The following AGBL1 variants were observed in gnomAD, a reference collection of about 807,000 sequenced individuals.
AGBL1 encodes AGBL carboxypeptidase 1, also known as cytosolic carboxypeptidase 4.
Under a neutral mutation model 118.9 loss-of-function variants are expected in AGBL1, and 130 were observed. The observed-to-expected ratio is 1.09, with a 90% confidence interval of 0.95 to 1.26. The LOEUF (loss-of-function observed/expected upper bound fraction) is 1.26. Among genes scored for constraint, AGBL1 ranks in the 50% most tolerant of loss-of-function variants. The pLI, the probability that AGBL1 is intolerant of heterozygous loss-of-function variation, is 0.00. For missense variants in AGBL1, 1,584 were observed against 1,298.1 expected (o/e 1.22, Z -3.38); for synonymous variants, 555 against 478.9 (o/e 1.16, Z -2.08).
At chr15:86,792,804 G>C (rs1259069751) in intron 22 of AGBL1, among the ~76,000 whole-genome samples, 1 of 151,910 alleles carries the variant, frequency 6.6e-6, no homozygotes, top group East Asian at 1.9e-4. Flanking sequence ...AGAGAAAAGA[G>C]AAAACAATTA....
chr15:86,340,148 T>C (rs1056210926), intron 17 of AGBL1, among the ~76,000 whole-genome samples: 5 of 152,170 alleles, frequency 3.3e-5, no homozygotes, highest in Non-Finnish European at 7.4e-5. Flanking sequence ...TTCAGGACAA[T>C]TTTCCTGTTT....
intron 23 of AGBL1, among the ~76,000 whole-genome samples, chr15:86,968,877 G>A (rs1245343588): frequency 2.0e-5 from 3 of 151,834 alleles, no homozygotes; most frequent in East Asian, 1.9e-4. Flanking sequence ...TTCTCACATC[G>A]TGGAAGAGGC....
At chr15:86,123,678 C>A (rs1898228804) in intron 1 of AGBL1, among the ~76,000 whole-genome samples, 1 of 152,198 alleles carries the variant, frequency 6.6e-6, no homozygotes, top group Non-Finnish European at 1.5e-5. Flanking sequence ...AGTTGTCTCA[C>A]CTTTCTGGAC....
At chr15:86,469,887 T>C (rs1364487999) in intron 18 of AGBL1, among the ~76,000 whole-genome samples, 1 of 152,182 alleles carries the variant, frequency 6.6e-6, no homozygotes, top group East Asian at 1.9e-4. Context: ...TTTTGAGAAA[T>C]GTCTATTTAG....
At chr15:86,338,812 A>T (rs754497760) in intron 17 of AGBL1, among the ~76,000 whole-genome samples, 2 of 152,082 alleles carry the variant, frequency 1.3e-5, no homozygotes, top group African/African-American at 2.4e-5. Context: ...ACCATTGAAA[A>T]AGAGTCGTGA....
intron 22 of AGBL1, among the ~76,000 whole-genome samples, chr15:86,885,591 G>C (rs2079958444): frequency 6.6e-6 from 1 of 152,084 alleles, no homozygotes; most frequent in Non-Finnish European, 1.5e-5. Flanking sequence ...TATAGTACTA[G>C]CATCTATGGC....
chr15:86,916,908 C>A (rs558092921), downstream of AGBL1, among the ~76,000 whole-genome samples: 1 of 152,066 alleles, frequency 6.6e-6, no homozygotes, highest in African/African-American at 2.4e-5. Flanking sequence ...AGAGCAGTGC[C>A]GTTGATATCC....
chr15:86,133,656 GA>G (rs1380026682), intron 1 of AGBL1, among the ~76,000 whole-genome samples: 1 of 152,140 alleles, frequency 6.6e-6, no homozygotes, highest in Non-Finnish European at 1.5e-5. Context: ...TCTAGACCGT[GA>G]ATACCCTTTT....
chr15:86,228,453 C>A (rs922203289), intron 6 of AGBL1, among the ~76,000 whole-genome samples: 1 of 152,182 alleles, frequency 6.6e-6, no homozygotes, highest in Admixed American at 6.5e-5. Context: ...GGAAATAATT[C>A]TCTGATCTAA....
At chr15:86,153,798 T>A (rs999204420) in intron 3 of AGBL1, among the ~76,000 whole-genome samples, 3 of 152,132 alleles carry the variant, frequency 2.0e-5, no homozygotes, top group African/African-American at 7.2e-5. Flanking sequence ...ATGTTAACAT[T>A]TTGCCGTATT....
At chr15:86,816,975 A>T (rs766545079) in intron 22 of AGBL1, among the ~76,000 whole-genome samples, 21 of 152,162 alleles carry the variant, frequency 1.4e-4, no homozygotes, top group Non-Finnish European at 2.5e-4. Flanking sequence ...TCAAGATTCC[A>T]TAAACAGGGA....
intron 22 of AGBL1, among the ~76,000 whole-genome samples, chr15:86,693,881 C>T (rs931582963): frequency 1.3e-5 from 2 of 151,996 alleles, no homozygotes; most frequent in Admixed American, 1.3e-4. Flanking sequence ...TTTTTATTTG[C>T]TTTGTTGAAG....
rs2078223731 is a variant in AGBL1 at position 86,774,421 on chromosome 15, GTTTTA to G, written c.3158+99988_3158+99992del. On this transcript the variant is annotated intron_variant, in intron 22 of 22. Coordinates refer to ENST00000614907, the MANE Select transcript of AGBL1 (RefSeq NM_001386094.1). Reference sequence around the variant, plus strand: ...AATGGAGTCTTTAATACATACTTTTGTTTTATTCAATTTATTCGTTGAGCAAATGT... The same window carrying G: ...AATGGAGTCTTTAATACATACTTTTGTTCAATTTATTCGTTGAGCAAATGT... Among the ~76,000 whole-genome samples the G allele has an allele frequency of 2.6e-5, 4 of 152,156 alleles. No individual in the cohort carries two copies. The South Asian group carries it at 8.3e-4, about 32-fold the overall frequency.
intron 5 of AGBL1, among the ~76,000 whole-genome samples, chr15:86,189,418 T>G (rs2077681733): frequency 6.6e-6 from 1 of 152,196 alleles, no homozygotes; most frequent in Non-Finnish European, 1.5e-5. Flanking sequence ...TTGTTATAGT[T>G]TGATATTTGA....
rs117619984 is a variant in AGBL1, at chr15:86,293,007, G to A, written c.2221-2248G>A. 9.8e-4 allele frequency among the ~76,000 whole-genome samples: 149 copies of A among 152,278 alleles called. No individual in the cohort carries two copies. The East Asian group carries it at 0.016, about 17-fold the overall frequency. On this transcript the variant is annotated intron_variant, in intron 16 of 22. Coordinates refer to ENST00000614907, the MANE Select transcript of AGBL1 (RefSeq NM_001386094.1). Reference sequence around the variant, plus strand: ...ATGACTCAAGGTCAAATTTTCAGGTGCCCCTGAGGCTAGAGAAAGGCCATA... The same window carrying A: ...ATGACTCAAGGTCAAATTTTCAGGTACCCCTGAGGCTAGAGAAAGGCCATA...
intron 23 of AGBL1, among the ~76,000 whole-genome samples, chr15:86,954,654 G>A (rs2080912834): frequency 6.6e-6 from 1 of 152,090 alleles, no homozygotes; most frequent in Non-Finnish European, 1.5e-5. Context: ...ACTAGAAGGG[G>A]GGAAAGAAGA....
chr15:86,568,621 C>G (rs1266463726), intron 21 of AGBL1, among the ~76,000 whole-genome samples: 2 of 152,238 alleles, frequency 1.3e-5, no homozygotes, highest in Non-Finnish European at 2.9e-5. Flanking sequence ...TTAGGATGCT[C>G]TGTCTCACAA....
intron 21 of AGBL1, among the ~76,000 whole-genome samples, chr15:86,576,414 A>G (rs1234658111): frequency 6.6e-6 from 1 of 152,234 alleles, no homozygotes; most frequent in African/African-American, 2.4e-5. Context: ...AGATGTACAG[A>G]AAATGGAAGT....
chr15:86,585,206 C>T (rs1461361591), intron 21 of AGBL1, among the ~76,000 whole-genome samples: 1 of 152,048 alleles, frequency 6.6e-6, no homozygotes. Flanking sequence ...CTGGCTAGTA[C>T]TTCCTCAGAA....
Sources: gnomAD v4.1 joint callset for allele counts (sites outside exome capture counted in the v4.1 genomes callset) on GRCh38, gnomAD v4.1.1 for gene constraint, MANE v1.5 for transcripts, NCBI Gene and HGNC (gene_info 2026-07-23, HGNC 2026-07-21) for gene names.